DEDD: variants seen among roughly 807,000 people sequenced by gnomAD.
DEDD encodes the protein death effector domain-containing protein.
In DEDD, 3 loss-of-function variants were observed where a neutral mutation model predicts 29.2. That is an observed-to-expected ratio of 0.10 (90% CI 0.05 to 0.27). The LOEUF (loss-of-function observed/expected upper bound fraction) is 0.27. Ranked by LOEUF, DEDD falls within the 10% of genes least tolerant of loss-of-function variation. The pLI, the probability that DEDD is intolerant of heterozygous loss-of-function variation, is 1.00. For synonymous variants in DEDD, 152 were observed against 161.3 expected (o/e 0.94, Z 0.44); for missense variants, 261 against 420.5 (o/e 0.62, Z 3.32).
At chr1:161,126,584 C>T (rs566325214) in intron 2 of DEDD, among the ~76,000 whole-genome samples, 2 of 151,838 alleles carry the variant, frequency 1.3e-5, no homozygotes, top group South Asian at 4.2e-4. Flanking sequence ...CCTTGTGATC[C>T]GCCTGCCTCG....
Position 161,120,984 on chromosome 1 carries a change from T to G in DEDD, c.*1163A>C. The G allele has an allele frequency of 2.1e-6, 3 of 1,408,702 alleles. No individual in the cohort carries two copies. Among genetic ancestry groups the G allele is most frequent in the Non-Finnish European group, 2.8e-6 (3 of 1,084,572 alleles). 87.3% of individuals were successfully genotyped at this position (1,408,702 alleles called of 1,614,324 possible). ...AGTTTCAGAAAGGTGGAATTTTATA[T>G]AGTCATTGTTTATTTCATGGAAACT... On this transcript the variant is annotated 3_prime_UTR_variant, in exon 6 of 6. Transcript: ENST00000368006.
chr1:161,129,164 T>C (rs531391627), intron 2 of DEDD, among the ~76,000 whole-genome samples: 2 of 152,248 alleles, frequency 1.3e-5, no homozygotes, highest in Admixed American at 6.5e-5. Context: ...GAAGCAAACA[T>C]AGAAATATGT....
chr1:161,130,930 C>T (rs576220245), intron 1 of DEDD, 83 bp from the exon 2 acceptor site: 2 of 152,268 alleles, frequency 1.3e-5, no homozygotes, highest in South Asian at 2.1e-4. Flanking sequence ...TACTTTGAAA[C>T]CTCAGAGGCC....
chr1:161,128,861 C>G (rs1334093175), intron 2 of DEDD, among the ~76,000 whole-genome samples: 2 of 152,150 alleles, frequency 1.3e-5, no homozygotes, highest in Non-Finnish European at 2.9e-5. Flanking sequence ...CCAAGTCCAA[C>G]TGCACTAAGG....
rs1438994593 is a variant in DEDD, at chr1:161,121,945, GAAAT to G, written c.*198_*201del. The G allele has an allele frequency of 1.3e-5, 8 of 623,066 alleles. No individual in the cohort carries two copies. The highest frequency in any genetic ancestry group is 8.5e-5 in the East Asian group (3 of 35,176). 38.6% of individuals were successfully genotyped at this position (623,066 alleles called of 1,614,324 possible). A position where few individuals can be genotyped will look rare whatever the true frequency, so the allele number is the denominator to read the frequency against. On this transcript the variant is annotated 3_prime_UTR_variant, in exon 6 of 6. Coordinates refer to ENST00000368006, the MANE Select transcript of DEDD (RefSeq NM_032998.3). ...CACATTACGGGGTAAATGGAAAAGG[GAAAT>G]AAAGGGGAAGCCCAGGCACATGGGT...
In DEDD at chr1:161,122,011, TTG is replaced by T; in HGVS notation, c.*134_*135del. The T allele has an allele frequency of 8.2e-7, 1 of 1,221,238 alleles. No homozygotes were observed. The highest frequency in any genetic ancestry group is 1.1e-6 in the Non-Finnish European group (1 of 888,950). 75.7% of individuals were successfully genotyped at this position (1,221,238 alleles called of 1,614,324 possible). On this transcript the variant is annotated 3_prime_UTR_variant, in exon 6 of 6. Transcript: ENST00000368006. The surrounding 1 kb of genome is among the most constrained non-coding windows in gnomAD (Gnocchi z 4.2). ...TGGGGAATACCACTTCCACTTTCTT[TTG>T]TCTTTTTCTTTAAAAAAAAAAAAAA...
At chr1:161,127,094 C>T (rs1656259120) in intron 2 of DEDD, among the ~76,000 whole-genome samples, 1 of 152,148 alleles carries the variant, frequency 6.6e-6, no homozygotes, top group South Asian at 2.1e-4. Context: ...ATCCCTAGTG[C>T]CTAGTAATGG....
chr1:161,127,722 G>A (rs1656311569), intron 2 of DEDD, among the ~76,000 whole-genome samples: 1 of 152,166 alleles, frequency 6.6e-6, no homozygotes, highest in Non-Finnish European at 1.5e-5. Context: ...ACAAATGAAG[G>A]TGCTAAAGGA....
At position 161,121,075 on chromosome 1, in the gene DEDD, G is replaced by C. The variant is rs1351108831; in HGVS notation, c.*1072C>G. On this transcript the variant is annotated 3_prime_UTR_variant, in exon 6 of 6. Transcript: ENST00000368006. ...TATAATAATCATAAAGTCTGTGTCT[G>C]GACATCGCCTTTGGGAACTAGAAGG... 2.5e-6 allele frequency: 3 copies of C among 1,190,234 alleles called. No homozygotes were observed. Among genetic ancestry groups the C allele is most frequent in the East Asian group, 1.0e-4 (2 of 19,066 alleles). 73.7% of individuals were successfully genotyped at this position (1,190,234 alleles called of 1,614,324 possible).
Position 161,122,516 on chromosome 1 carries a change from T to TGG in DEDD, c.587_588insCC (p.Arg196SerfsTer75), listed in dbSNP as rs1373677315. 1 of 1,613,116 alleles carries TGG rather than the reference T, an allele frequency of 6.2e-7. No individual in the cohort carries two copies. The highest frequency in any genetic ancestry group is 8.5e-7 in the Non-Finnish European group (1 of 1,179,266). On this transcript the variant is annotated frameshift_variant, in exon 6 of 6. Coordinates refer to ENST00000368006, the MANE Select transcript of DEDD (RefSeq NM_032998.3). LOFTEE classifies it high-confidence loss of function. This position sits in a 1 kb window ranked among gnomAD's most constrained non-coding sequence, Gnocchi z 4.2. ...GGCAGTATTCAGCCCGAACCCGCAG[T>TGG]CTGATGTCTGTTGGAAACAGAAGAT...
chr1:161,124,362 C>T lies in DEDD; in HGVS notation c.101G>A (p.Gly34Asp), dbSNP rs1417992004. 1 of 1,614,062 alleles carries T rather than the reference C, an allele frequency of 6.2e-7. No homozygotes were observed. The change falls in exon 3 of 6, where the codon GGC (glycine) becomes GAC (aspartate). Residue 34 changes from glycine (G) to aspartate (D), a missense_variant. Gly to Asp is a moderately conservative substitution (Grantham distance 94). Around this residue, in one of 2 missense-constraint regions of DEDD, gnomAD observed 203 missense variants for 268.7 expected, o/e 0.76. Coordinates refer to ENST00000368006, the MANE Select transcript of DEDD (RefSeq NM_032998.3). The stretch of plus-strand genomic sequence containing the variant: ...CACATCTCTGTGTGTCAGATGAGTG[C>T]CCACGATGTCAAACATGCGGTGCAG... ...YSLHRMFDIV[G>D]THLTHRDVRV... is the part of the protein sequence containing the mutation.
At chr1:161,123,045 T>G (rs1363157086) in intron 5 of DEDD, 30 bp downstream of exon 5, 1 of 1,614,224 alleles carries the variant, frequency 6.2e-7, no homozygotes, top group East Asian at 2.2e-5. Context: ...TCAAGTCTGC[T>G]CCATCTCTGG....
At position 161,122,333 on chromosome 1, in the gene DEDD, A is replaced by G. The variant is rs1557976520; in HGVS notation, c.771T>C (p.Asp257=). 6.2e-7 allele frequency: 1 copy of G among 1,614,120 alleles called. No individual in the cohort carries two copies. Among genetic ancestry groups the G allele is most frequent in the African/African-American group, 1.3e-5 (1 of 74,938 alleles). Residue 257 remains aspartate, a synonymous_variant, in exon 6 of 6, where the codon GAT becomes GAC. Coordinates refer to ENST00000368006, the MANE Select transcript of DEDD (RefSeq NM_032998.3). This position sits in a 1 kb window ranked among gnomAD's most constrained non-coding sequence, Gnocchi z 4.2. ...DIKFSELTYL[D]AFWRDYINGS... ...CATTGATGTAGTCACGCCAGAATGC[A>G]TCGAGGTAGGTGAGCTCAGAGAACT...
chr1:161,123,831 C>A lies in DEDD; in HGVS notation c.433+8G>T. 1 of 1,610,026 alleles carries A rather than the reference C, an allele frequency of 6.2e-7. No individual in the cohort carries two copies. Among genetic ancestry groups the A allele is most frequent in the Admixed American group, 1.7e-5 (1 of 59,676 alleles). On this transcript the variant is annotated splice_region_variant and intron_variant, in intron 4 of 5. Transcript: ENST00000368006. ...GATGGAAAGCAGGGGGAGTTAATGT[C>A]TTCTCACCTGTTTTAGAGGGCTGGG...
chr1:161,121,882 A>G lies in DEDD; in HGVS notation c.*265T>C, dbSNP rs1655531094. On this transcript the variant is annotated 3_prime_UTR_variant, in exon 6 of 6. Coordinates refer to ENST00000368006, the MANE Select transcript of DEDD (RefSeq NM_032998.3). ...CTGTAGACTTTGCTTCTTCCTATACATTTGTCTTACGGCTCAGTGGTAAGG... is the reference window on the plus strand; with the variant it reads ...CTGTAGACTTTGCTTCTTCCTATACGTTTGTCTTACGGCTCAGTGGTAAGG... 2 of 432,278 alleles carry G rather than the reference A, an allele frequency of 4.6e-6. No individual in the cohort carries two copies. The highest frequency in any genetic ancestry group is 8.4e-6 in the Non-Finnish European group (2 of 238,920). The allele number at this position is 432,278 out of a possible 1,614,324, so 26.8% of individuals were successfully genotyped here. A position where few individuals can be genotyped will look rare whatever the true frequency, so the allele number is the denominator to read the frequency against.
intron 2 of DEDD, among the ~76,000 whole-genome samples, chr1:161,126,450 TCTC>T: frequency 6.6e-6 from 1 of 151,740 alleles, no homozygotes; most frequent in African/African-American, 2.4e-5. Context: ...TTCAAGCGAT[TCTC>T]CTGCCTCAGC....
Position 161,122,284 on chromosome 1 carries a change from C to G in DEDD, c.820G>C (p.Gly274Arg). The G allele has an allele frequency of 6.2e-7, 1 of 1,614,198 alleles. No individual in the cohort carries two copies. Among genetic ancestry groups the G allele is most frequent in the Non-Finnish European group, 8.5e-7 (1 of 1,180,054 alleles). Residue 274 changes from glycine to arginine, a missense_variant, in exon 6 of 6, where the codon GGT becomes CGT. Physicochemically the swap from Gly to Arg is moderately radical, Grantham distance 125 (BLOSUM62 -2). Coordinates refer to ENST00000368006, the MANE Select transcript of DEDD (RefSeq NM_032998.3). This position sits in a 1 kb window ranked among gnomAD's most constrained non-coding sequence, Gnocchi z 4.2. ...TTGAGGGAGTCTGTGATGAAGACAC[C>G]TTTAAGTGCCTCTAATAAAGAGCCA... The part of the protein sequence containing the change: ...INGSLLEALK[G>R]VFITDSLKQA...
Position 161,122,045 on chromosome 1 carries a change from AG to A in DEDD, c.*101del. ...TCTTTAAAAAAAAAAAAAAAAAGGC[AG>A]GGGTGTGATTGGTTGGAAGGGTAGA... On this transcript the variant is annotated 3_prime_UTR_variant, in exon 6 of 6. Transcript: ENST00000368006. This position sits in a 1 kb window ranked among gnomAD's most constrained non-coding sequence, Gnocchi z 4.2. 2 of 1,278,608 alleles carry A rather than the reference AG, an allele frequency of 1.6e-6. No individual in the cohort carries two copies. Among genetic ancestry groups the A allele is most frequent in the African/African-American group, 3.0e-5 (2 of 66,978 alleles). The allele number at this position is 1,278,608 out of a possible 1,614,324, so 79.2% of individuals were successfully genotyped here. A position where few individuals can be genotyped will look rare whatever the true frequency, so the allele number is the denominator to read the frequency against.
rs1347701986 is a variant in DEDD at position 161,122,970 on chromosome 1, CA to C, written c.580+104del. ...TTCAGCCTCACTTTGCAATGGCAAT[CA>C]AAGTGAATCTCACACTGAATAGCAT... is the stretch of plus-strand genomic sequence containing the variant. On this transcript the variant is annotated intron_variant, in intron 5 of 5. Coordinates refer to ENST00000368006, the MANE Select transcript of DEDD (RefSeq NM_032998.3). This position sits in a 1 kb window ranked among gnomAD's most constrained non-coding sequence, Gnocchi z 4.2. 6.2e-7 allele frequency: 1 copy of C among 1,608,898 alleles called. No homozygotes were observed. The highest frequency in any genetic ancestry group is 8.5e-7 in the Non-Finnish European group (1 of 1,175,252).
Sources: allele counts gnomAD v4.1 joint callset (sites outside exome capture counted in the v4.1 genomes callset), GRCh38; gene constraint gnomAD v4.1.1; regional missense constraint gnomAD v4.1.1; non-coding constraint Gnocchi (gnomAD v3.1); transcripts MANE v1.5; gene names NCBI Gene and HGNC (gene_info 2026-07-23, HGNC 2026-07-21).